AOPEP: variants seen among roughly 807,000 people sequenced by gnomAD.
The protein encoded by AOPEP is aminopeptidase O.
A neutral mutation model predicts 98.1 loss-of-function variants in AOPEP; 77 were observed. The observed-to-expected ratio is 0.78, with a 90% CI of 0.65 to 0.95. The LOEUF (loss-of-function observed/expected upper bound fraction) is 0.95. Ranked by LOEUF, AOPEP falls within the 40% of genes least tolerant of loss-of-function variation. The pLI, the probability that AOPEP is intolerant of heterozygous loss-of-function variation, is 0.00. For missense variants in AOPEP, 1,024 were observed against 1,024.7 expected, an observed-to-expected ratio of 1.00 and a Z score of 0.01; for synonymous variants, 346 against 365.3, an observed-to-expected ratio of 0.95 and a Z score of 0.60.
At chr9:94,817,846 A>G (rs1375395445) in intron 5 of AOPEP, among the ~76,000 whole-genome samples, 1 of 152,228 alleles carries the variant, frequency 6.6e-6, no homozygotes, top group East Asian at 1.9e-4. Context: ...GCATGAGAAG[A>G]GAAAATCTCA....
chr9:95,082,665 G>T lies in AOPEP; in HGVS notation c.2410G>T (p.Glu804Ter), dbSNP rs757421700. Reference sequence around the variant, plus strand: ...CCGTAGGTGCTTCGAGCGGACCAAGGAGCAGATGGATAGGTCCTCAGCCCA... The same window carrying T: ...CCGTAGGTGCTTCGAGCGGACCAAGTAGCAGATGGATAGGTCCTCAGCCCA... ...LARRCFERTK[E>*]QMDRSSAQVV... is the part of the protein sequence containing the mutation. The change falls in exon 16 of 17, where the codon GAG becomes TAG. Residue 804 changes from glutamate (E) to a stop codon, truncating the protein, a stop_gained. Coordinates refer to ENST00000375315, the MANE Select transcript of AOPEP (RefSeq NM_001193329.3). LOFTEE classifies it high-confidence loss of function. 1 of 1,614,112 alleles carries T rather than the reference G, an allele frequency of 6.2e-7. No individual in the cohort carries two copies. Among genetic ancestry groups the T allele is most frequent in the East Asian group, 2.2e-5 (1 of 44,898 alleles).
the AOPEP span, chr9:95,111,251 G>A: frequency 9.0e-4 from 1,389 of 1,541,052 alleles, 3 homozygotes; most frequent in Non-Finnish European, 1.2e-3. Flanking sequence ...GGCTGGCAGC[G>A]TCTCGTCTCT....
At chr9:94,773,199 G>A in intron 3 of AOPEP, 31 bp downstream of exon 3, 2 of 1,592,412 alleles carry the variant, frequency 1.3e-6, no homozygotes, top group East Asian at 2.2e-5. Flanking sequence ...GCTTATTTAT[G>A]TATTGCACAC....
At chr9:94,948,579 C>A (rs954802234) in intron 7 of AOPEP, among the ~76,000 whole-genome samples, 2 of 151,976 alleles carry the variant, frequency 1.3e-5, no homozygotes, top group Non-Finnish European at 2.9e-5. Context: ...GTGAATTGAT[C>A]CTCCCCGCAG....
intron 5 of AOPEP, among the ~76,000 whole-genome samples, chr9:94,802,988 A>G (rs983331411): frequency 2.6e-5 from 4 of 152,110 alleles, no homozygotes; most frequent in Non-Finnish European, 5.9e-5. Flanking sequence ...AGTGGGGTTT[A>G]TGACTCAGCT....
At chr9:95,148,026 C>T in the AOPEP span, among the ~76,000 whole-genome samples, 7 of 151,904 alleles carry the variant, frequency 4.6e-5, no homozygotes, top group African/African-American at 1.7e-4. Flanking sequence ...GCACTGATAG[C>T]GCAAAAGCAA....
chr9:94,824,154 C>A (rs1186999850), intron 5 of AOPEP: 2 of 152,102 alleles, frequency 1.3e-5, no homozygotes, highest in African/African-American at 4.8e-5. Flanking sequence ...AAATGAAAGT[C>A]AAAAATCTCT....
At chr9:95,043,610 A>C (rs1019458602) in intron 13 of AOPEP, among the ~76,000 whole-genome samples, 12 of 152,352 alleles carry the variant, frequency 7.9e-5, no homozygotes, top group Admixed American at 6.5e-4. Context: ...CTCCAGTTTT[A>C]ACATTGTAAA....
the AOPEP span, chr9:95,135,427 C>T: frequency 6.2e-7 from 1 of 1,613,962 alleles, no homozygotes; most frequent in Non-Finnish European, 8.5e-7. Context: ...AAAGATGCAG[C>T]ATTGCTTTTT....
chr9:94,774,504 TG>T (rs1313388016), intron 3 of AOPEP, among the ~76,000 whole-genome samples: 1 of 152,138 alleles, frequency 6.6e-6, no homozygotes, highest in African/African-American at 2.4e-5. Flanking sequence ...TGATAGCATA[TG>T]ATGGTGTTTA....
At chr9:95,045,796 TAACCCTCATTAAACG>T (rs1003038359) in intron 13 of AOPEP, among the ~76,000 whole-genome samples, 15 of 152,324 alleles carry the variant, frequency 9.8e-5, no homozygotes, top group African/African-American at 2.9e-4. Flanking sequence ...GTAGCTCCCC[TAACCCTCATTAAACG>T]AACTTGAGGC....
At chr9:95,092,645 C>A in the AOPEP span, among the ~76,000 whole-genome samples, 4 of 152,242 alleles carry the variant, frequency 2.6e-5, no homozygotes. Context: ...CTTTAAAGCG[C>A]AGCCGAGGAG....
intron 5 of AOPEP, among the ~76,000 whole-genome samples, chr9:94,826,908 A>C (rs1307604482): frequency 6.6e-6 from 1 of 152,200 alleles, no homozygotes; most frequent in African/African-American, 2.4e-5. Flanking sequence ...AGCTGTTTGC[A>C]CAAGTCATTG....
chr9:95,081,654 A>T (rs558802227), intron 15 of AOPEP, among the ~76,000 whole-genome samples: 1 of 152,380 alleles, frequency 6.6e-6, no homozygotes, highest in African/African-American at 2.4e-5. Context: ...CTGGAAAAAC[A>T]TACAGGAGTA....
At chr9:94,938,445 A>G (rs1039720281) in intron 7 of AOPEP, among the ~76,000 whole-genome samples, 5 of 152,214 alleles carry the variant, frequency 3.3e-5, no homozygotes, top group Non-Finnish European at 4.4e-5. Context: ...TTTACTGTTG[A>G]CAGATTTAGT....
intron 10 of AOPEP, among the ~76,000 whole-genome samples, chr9:94,971,804 G>A (rs1050064448): frequency 2.0e-5 from 3 of 152,196 alleles, no homozygotes; most frequent in Non-Finnish European, 2.9e-5. Context: ...GCTCCTAGCC[G>A]ACTACTGAAG....
the AOPEP span, chr9:95,106,937 G>T: frequency 1.1e-6 from 1 of 900,848 alleles, no homozygotes; most frequent in Non-Finnish European, 1.8e-6. Flanking sequence ...CAACCTCCTT[G>T]ACCATTTATC....
chr9:94,837,280 A>G (rs2041724940), intron 5 of AOPEP, among the ~76,000 whole-genome samples: 1 of 152,218 alleles, frequency 6.6e-6, no homozygotes, highest in South Asian at 2.1e-4. Flanking sequence ...TTACCAACAA[A>G]AAAAGTCCAG....
the AOPEP span, chr9:95,099,195 A>G: frequency 4.6e-6 from 1 of 216,964 alleles, no homozygotes. Flanking sequence ...CCTCTTCTGT[A>G]TTTTTGGCTC....
Sources: gnomAD v4.1 joint callset for allele counts (sites outside exome capture counted in the v4.1 genomes callset) on GRCh38, gnomAD v4.1.1 for gene constraint, MANE v1.5 for transcripts, NCBI Gene and HGNC (gene_info 2026-07-23, HGNC 2026-07-21) for gene names.